The following HS6ST2 variants were observed in gnomAD, a reference collection of about 807,000 sequenced individuals.
HS6ST2 encodes the protein heparan sulfate 6-O-sulfotransferase 2, also known as heparan-sulfate 6-O-sulfotransferase 2.
HS6ST2 carries 17 observed loss-of-function variants against 33.0 expected under a neutral mutation model. That is an observed-to-expected ratio of 0.52 (90% CI 0.35 to 0.77). HS6ST2 has a LOEUF of 0.77. HS6ST2 is among the 30% of genes least tolerant of loss of function. The pLI, the probability that HS6ST2 is intolerant of heterozygous loss-of-function variation, is 0.01. For missense variants in HS6ST2, 519 were observed against 551.7 expected (o/e 0.94, Z 0.59); for synonymous variants, 248 against 237.1 (o/e 1.05, Z -0.42).
intron 2 of HS6ST2, among the ~76,000 whole-genome samples, chrX:132,844,320 A>G (rs1214019098): frequency 1.8e-5 from 2 of 111,745 alleles, no homozygotes; most frequent in Admixed American, 1.9e-4. Flanking sequence ...GCTGAAATAG[A>G]GAGGCTCCAA....
At chrX:132,685,581 C>T (rs1254181938) in intron 3 of HS6ST2, among the ~76,000 whole-genome samples, 2 of 111,460 alleles carry the variant, frequency 1.8e-5, no homozygotes, top group Non-Finnish European at 3.8e-5. Context: ...ATACTGCTGG[C>T]GTTCACATTT....
intron 2 of HS6ST2, among the ~76,000 whole-genome samples, chrX:132,836,531 C>A (rs2065646041): frequency 8.9e-6 from 1 of 112,271 alleles, no homozygotes; most frequent in African/African-American, 3.2e-5. Context: ...AGAGGAGGTG[C>A]TGCTGTGAGA....
chrX:132,678,490 C>T (rs931380420), intron 3 of HS6ST2, among the ~76,000 whole-genome samples: 3 of 112,675 alleles, frequency 2.7e-5, no homozygotes, highest in African/African-American at 9.7e-5. Context: ...AAAACACTGA[C>T]CCTTTAAACC....
At chrX:132,695,310 C>T (rs975784200) in intron 3 of HS6ST2, among the ~76,000 whole-genome samples, 1 of 111,564 alleles carries the variant, frequency 9.0e-6, no homozygotes, top group Non-Finnish European at 1.9e-5. Flanking sequence ...GGGTGCAATA[C>T]AGATTGTTAT....
intron 2 of HS6ST2, among the ~76,000 whole-genome samples, chrX:132,709,270 T>G (rs760798187): frequency 3.0e-4 from 34 of 112,520 alleles, no homozygotes; most frequent in African/African-American, 9.7e-4. Flanking sequence ...GCCTTTTGTT[T>G]TTTATTATGC....
intron 2 of HS6ST2, among the ~76,000 whole-genome samples, chrX:132,821,478 C>G (rs1433981604): frequency 4.5e-5 from 5 of 109,916 alleles, no homozygotes; most frequent in Non-Finnish European, 9.5e-5. Flanking sequence ...TCCCAAAGTG[C>G]TGGGATTACA....
In HS6ST2 at chrX:132,629,068, G is replaced by A. The variant is rs1456848709; in HGVS notation, c.1093C>T (p.Arg365Ter). The stretch of plus-strand genomic sequence containing the variant: ...CTCAAGTACCGGGACACTGGGTCTC[G>A]GAGGATGGTGATGTAGTGGAAGTTC... ...GKNFHYITILRDPVSRYLSEW... is the reference protein window; with the variant it reads ...GKNFHYITIL The change falls in exon 5 of 5, where the codon CGA (arginine) becomes TGA (stop). Residue 365 changes from arginine (R) to a stop codon, truncating the protein, a stop_gained. Transcript: ENST00000370833. LOFTEE classifies it high-confidence loss of function. The A allele has an allele frequency of 5.0e-6, 6 of 1,196,849 alleles. No homozygotes were observed. In the Admixed American group the frequency reaches 6.7e-5, roughly 13 times the overall value.
chrX:132,716,902 A>G (rs951979006), intron 2 of HS6ST2, among the ~76,000 whole-genome samples: 10 of 112,300 alleles, frequency 8.9e-5, no homozygotes, highest in African/African-American at 2.9e-4. Context: ...TGTATCTTTT[A>G]CACAGCTTCG....
chrX:132,860,773 G>A (rs951493962), intron 2 of HS6ST2, among the ~76,000 whole-genome samples: 2 of 88,803 alleles, frequency 2.3e-5, no homozygotes, highest in Non-Finnish European at 4.3e-5. Flanking sequence ...TTAGGCATGT[G>A]TATCTTTTTT....
Position 132,956,873 on chromosome X carries a change from G to C in HS6ST2, c.882C>G (p.Thr294=). The C allele has an allele frequency of 3.4e-6, 4 of 1,188,234 alleles. No individual in the cohort carries two copies. The highest frequency in any genetic ancestry group is 4.5e-6 in the Non-Finnish European group (4 of 883,538). ...CGGAGGGCACACAGCTGGTGAGCTCGGTCCAGTCGGCGTGCAACCCGCAGC... is the reference window on the plus strand; with the variant it reads ...CGGAGGGCACACAGCTGGTGAGCTCCGTCCAGTCGGCGTGCAACCCGCAGC... ...GWSCGLHADW[T]ELTSCVPSVV... is the part of the protein sequence containing the mutation. The change falls in exon 2 of 5, where the codon ACC becomes ACG. Residue 294 remains threonine, a synonymous_variant. Coordinates refer to ENST00000370833, the MANE Select transcript of HS6ST2 (RefSeq NM_001394073.1).
In HS6ST2 at chrX:132,808,437, A is replaced by G. The variant is rs770905413; in HGVS notation, c.948-99943T>C. Among the ~76,000 whole-genome samples the G allele has an allele frequency of 5.4e-5, 6 of 111,962 alleles. No individual in the cohort carries two copies. The East Asian group carries it at 1.7e-3, about 32-fold the overall frequency. ...CATCCCCAGCCCCATGTGTCATGGGAGGGCATTATCAGGCTACCCCACTTG... is the reference window on the plus strand; with the variant it reads ...CATCCCCAGCCCCATGTGTCATGGGGGGGCATTATCAGGCTACCCCACTTG... On this transcript the variant is annotated intron_variant, in intron 2 of 4. Coordinates refer to ENST00000370833, the MANE Select transcript of HS6ST2 (RefSeq NM_001394073.1).
chrX:132,714,471 C>G (rs1170029133), intron 2 of HS6ST2, among the ~76,000 whole-genome samples: 1 of 110,724 alleles, frequency 9.0e-6, no homozygotes, highest in Non-Finnish European at 1.9e-5. Context: ...TGCCACCACA[C>G]CCGGCTAATT....
intron 2 of HS6ST2, among the ~76,000 whole-genome samples, chrX:132,886,963 C>T (rs1487685658): frequency 1.8e-5 from 2 of 110,184 alleles, no homozygotes; most frequent in African/African-American, 6.6e-5. Context: ...GATGAAACCC[C>T]GTCTCTACTA....
chrX:132,898,381 TTATATATATATA>T (rs10545986), intron 2 of HS6ST2, among the ~76,000 whole-genome samples: 42 of 89,200 alleles, frequency 4.7e-4, no homozygotes, highest in African/African-American at 1.6e-3. Context: ...CAACATAAGG[TTATATATATATA>T]TATATATATA....
At chrX:132,948,575 GCA>G (rs1178758748) in intron 2 of HS6ST2, among the ~76,000 whole-genome samples, 1 of 112,213 alleles carries the variant, frequency 8.9e-6, no homozygotes, top group Non-Finnish European at 1.9e-5. Flanking sequence ...AAAGTCTTCA[GCA>G]CAGTTTTTAG....
intron 2 of HS6ST2, among the ~76,000 whole-genome samples, chrX:132,796,846 A>G (rs1162737622): frequency 8.9e-6 from 1 of 112,209 alleles, no homozygotes; most frequent in African/African-American, 3.2e-5. Context: ...ATTACCCCCT[A>G]TTTCATCACT....
At chrX:132,657,074 C>T (rs1349672421) in intron 4 of HS6ST2, among the ~76,000 whole-genome samples, 1 of 111,713 alleles carries the variant, frequency 9.0e-6, no homozygotes, top group Non-Finnish European at 1.9e-5. Flanking sequence ...GATTCCCCAC[C>T]AGGAGGCATT....
chrX:132,628,994 A>G lies in HS6ST2; in HGVS notation c.1167T>C (p.His389=). The change falls in exon 5 of 5, where the codon CAT becomes CAC. Residue 389 remains histidine (H), a synonymous_variant. Transcript: ENST00000370833. ...QRGATWKASL[H]VCDGRPPTSE... ...AGGTTGGAGGCCTTCCATCGCAGACATGCAGGGATGCTTTCCATGTTGCCC... is the reference window on the plus strand; with the variant it reads ...AGGTTGGAGGCCTTCCATCGCAGACGTGCAGGGATGCTTTCCATGTTGCCC... The G allele has an allele frequency of 8.3e-7, 1 of 1,207,968 alleles. No homozygotes were observed. Among genetic ancestry groups the G allele is most frequent in the African/African-American group, 1.7e-5 (1 of 57,567 alleles).
intron 2 of HS6ST2, among the ~76,000 whole-genome samples, chrX:132,868,459 C>T (rs2066017394): frequency 8.9e-6 from 1 of 112,131 alleles, no homozygotes; most frequent in East Asian, 2.8e-4. Flanking sequence ...TTCTCCACCC[C>T]AAATCAACAG....
Sources: gnomAD v4.1 joint callset for allele counts (sites outside exome capture counted in the v4.1 genomes callset) on GRCh38, gnomAD v4.1.1 for gene constraint, MANE v1.5 for transcripts, NCBI Gene and HGNC (gene_info 2026-07-23, HGNC 2026-07-21) for gene names.